The following POLE variants were observed in gnomAD, a reference collection of about 807,000 sequenced individuals.
POLE encodes the protein DNA polymerase epsilon catalytic subunit A.
A neutral mutation model predicts 279.2 loss-of-function variants in POLE; 188 were observed. The ratio of observed to expected loss-of-function variants is 0.67; its 90% CI spans 0.60 to 0.76. The LOEUF is 0.76. Ranked by LOEUF, POLE falls within the 30% of genes least tolerant of loss-of-function variation. The pLI is 0.00. For synonymous variants in POLE, 1,214 were observed against 1,172.5 expected (o/e 1.04, Z -0.72); for missense variants, 2,703 against 3,016.7 (o/e 0.90, Z 2.44).
In POLE at chr12:132,643,008, C is replaced by T; in HGVS notation, c.4552-12G>A. The T allele has an allele frequency of 6.3e-7, 1 of 1,578,680 alleles. No homozygotes were observed. The highest frequency in any genetic ancestry group is 8.6e-7 in the Non-Finnish European group (1 of 1,165,268). ...TGGTTGCTGCGCACCTAGACCAACGCAGGCCACGTCAGCCTCCCCCTGCGC... is the reference window on the plus strand; with the variant it reads ...TGGTTGCTGCGCACCTAGACCAACGTAGGCCACGTCAGCCTCCCCCTGCGC... On this transcript the variant is annotated splice_polypyrimidine_tract_variant and intron_variant, in intron 35 of 48. Coordinates refer to ENST00000320574, the MANE Select transcript of POLE (RefSeq NM_006231.4).
At position 132,636,440 on chromosome 12, in the gene POLE, GGAAAAAAAAAAAAA is replaced by G. The variant is rs1474480080; in HGVS notation, c.5679-430_5679-417del. ...TCCTCTGCACATTAGATCCATTTAA[GGAAAAAAAAAAAAA>G]AAAAAAAAAAAAAAGAACAGGCCAG... On this transcript the variant is annotated intron_variant, in intron 41 of 48. Transcript: ENST00000320574. 1.9e-3 allele frequency among the ~76,000 whole-genome samples: 136 copies of G among 70,366 alleles called. 1 individual carries two copies. Among genetic ancestry groups the G allele is most frequent in the South Asian group, 8.6e-3 (18 of 2,104 alleles). The allele number at this position is 70,366 out of a possible 152,430, so 46.2% of individuals were successfully genotyped here.
chr12:132,657,796 A>T lies in POLE; in HGVS notation c.3378+72T>A. 5.8e-6 allele frequency: 6 copies of T among 1,037,934 alleles called. 1 individual carries two copies. In the South Asian group the frequency reaches 7.9e-5, roughly 14 times the overall value. The allele number at this position is 1,037,934 out of a possible 1,614,324, so 64.3% of individuals were successfully genotyped here. A position where few individuals can be genotyped will look rare whatever the true frequency, so the allele number is the denominator to read the frequency against. ...GACGCCAGACAAAAAACATAATCCA[A>T]CTCAGACATATTCTGCTCTGTCTAG... On this transcript the variant is annotated intron_variant, in intron 27 of 48. Transcript: ENST00000320574.
Position 132,657,179 on chromosome 12 carries a change from T to A in POLE, c.3539A>T (p.Gln1180Leu). Reference protein sequence around the residue: ...KLLEKNDVYKQKKISELFTLE... With the variant: ...KLLEKNDVYKLKKISELFTLE... ...GGTGAAGAGCTCACTGATCTTCTTCTGCTTGTAGACATCATTCTTCTCCAG... is the reference window on the plus strand; with the variant it reads ...GGTGAAGAGCTCACTGATCTTCTTCAGCTTGTAGACATCATTCTTCTCCAG... The change falls in exon 29 of 49, where the codon CAG becomes CTG. Residue 1180 changes from glutamine (Q) to leucine (L), a missense_variant. Gln to Leu is a moderately radical substitution (Grantham distance 113). Around this residue, in one of 5 missense-constraint regions of POLE, gnomAD observed 1,551 missense variants for 1,686.1 expected, o/e 0.92. Coordinates refer to ENST00000320574, the MANE Select transcript of POLE (RefSeq NM_006231.4). The A allele has an allele frequency of 6.2e-7, 1 of 1,614,080 alleles. No homozygotes were observed. Among genetic ancestry groups the A allele is most frequent in the Non-Finnish European group, 8.5e-7 (1 of 1,180,020 alleles).
intron 12 of POLE, among the ~76,000 whole-genome samples, chr12:132,674,293 AC>A (rs1355720504): frequency 1.3e-5 from 2 of 151,474 alleles, no homozygotes; most frequent in Non-Finnish European, 2.9e-5. Flanking sequence ...TCCGGTCTCC[AC>A]CCCCCGCAGC....
chr12:132,649,060 T>C lies in POLE; in HGVS notation c.4018A>G (p.Ser1340Gly), dbSNP rs1248556901. Residue 1340 changes from serine (S) to glycine (G), a missense_variant, in exon 32 of 49, where the codon AGC (serine) becomes GGC (glycine). By Grantham distance (56) the Ser-to-Gly change is moderately conservative. Transcript: ENST00000320574. Reference protein sequence around the residue: ...PWQIVQISETSQAGLFRLWAL... With the variant: ...PWQIVQISETGQAGLFRLWAL... ...CACAGCCTGAACAGGCCGGCCTGGC[T>C]GGTCTCGCTGATCTGAAAGGCCACA... 1.9e-6 allele frequency: 3 copies of C among 1,611,996 alleles called. No individual in the cohort carries two copies. The highest frequency in any genetic ancestry group is 1.7e-6 in the Non-Finnish European group (2 of 1,179,652).
rs1401309769 is a variant in POLE, at chr12:132,638,078, T to G, written c.5614A>C (p.Ile1872Leu). 1 of 1,613,806 alleles carries G rather than the reference T, an allele frequency of 6.2e-7. No individual in the cohort carries two copies. Among genetic ancestry groups the G allele is most frequent in the Non-Finnish European group, 8.5e-7 (1 of 1,179,930 alleles). Residue 1872 changes from isoleucine to leucine, a missense_variant, in exon 41 of 49, where the codon ATC becomes CTC. By Grantham distance (5) the Ile-to-Leu change is conservative. This residue lies in a region of POLE where 1,551 missense variants were observed against 1,686.1 expected (regional missense o/e 0.92). Transcript: ENST00000320574. ...ACACGGCGCTTCTTTGTACAGAGGA[T>G]GATGCGGTTGAAGTTGGCGTAGATG... ...SVIYANFNRIILCTKKRRVED... is the reference protein window; with the variant it reads ...SVIYANFNRILLCTKKRRVED...
In POLE at chr12:132,624,501, C is replaced by T. The variant is rs2041789605; in HGVS notation, c.*196G>A. On this transcript the variant is annotated 3_prime_UTR_variant, in exon 49 of 49. Transcript: ENST00000320574. Reference sequence around the variant, plus strand: ...TGCTCTGGCGAGGCCAGGGCCACATCCTGCTCCCGCTCCCTCCTGTGACGT... The same window carrying T: ...TGCTCTGGCGAGGCCAGGGCCACATTCTGCTCCCGCTCCCTCCTGTGACGT... The T allele has an allele frequency of 6.6e-6, 4 of 602,710 alleles. No individual in the cohort carries two copies. Among genetic ancestry groups the T allele is most frequent in the South Asian group, 2.0e-5 (1 of 51,054 alleles). 37.3% of individuals were successfully genotyped at this position (602,710 alleles called of 1,614,324 possible).
At chr12:132,625,860 G>T in intron 46 of POLE, 90 bp from the exon 47 acceptor site, 2 of 1,520,996 alleles carry the variant, frequency 1.3e-6, no homozygotes, top group Non-Finnish European at 1.8e-6. Flanking sequence ...GGGGCTGTGA[G>T]AAGCGCCTGG....
At position 132,660,762 on chromosome 12, in the gene POLE, C is replaced by G. The variant is rs117807098; in HGVS notation, c.3060+207G>C. The G allele has an allele frequency of 7.4e-6, 3 of 407,232 alleles. No individual in the cohort carries two copies. The South Asian group carries it at 2.4e-4, about 32-fold the overall frequency. The allele number at this position is 407,232 out of a possible 1,614,324, so 25.2% of individuals were successfully genotyped here. A position where few individuals can be genotyped will look rare whatever the true frequency, so the allele number is the denominator to read the frequency against. On this transcript the variant is annotated intron_variant, in intron 25 of 48. Coordinates refer to ENST00000320574, the MANE Select transcript of POLE (RefSeq NM_006231.4). ...AGGCTTATCACGCTATTTAGAAAAA[C>G]GTTTCCCTCAGAGTTGTGTCCCTGG...
At chr12:132,654,008 G>A (rs1260212546) in intron 29 of POLE, among the ~76,000 whole-genome samples, 2 of 152,184 alleles carry the variant, frequency 1.3e-5, no homozygotes, top group Non-Finnish European at 2.9e-5. Flanking sequence ...AACAGTGCTT[G>A]CTATTCCCAG....
chr12:132,626,203 G>A lies in POLE; in HGVS notation c.6445C>T (p.Arg2149Cys), dbSNP rs771490182. Residue 2149 changes from arginine to cysteine, a missense_variant, in exon 46 of 49, where the codon CGC becomes TGC. Coordinates refer to ENST00000320574, the MANE Select transcript of POLE (RefSeq NM_006231.4). Reference protein sequence around the residue: ...SEEAQFRDPCRSYVLPEVICR... With the variant: ...SEEAQFRDPCCSYVLPEVICR... ...ATGACCTCAGGAAGCACGTAGGAGC[G>A]GCAGGGGTCTCGGAACTGGGCCTCC... 6.6e-5 allele frequency: 106 copies of A among 1,613,790 alleles called. No individual in the cohort carries two copies. The highest frequency in any genetic ancestry group is 4.3e-4 in the South Asian group (39 of 91,064).
At position 132,672,762 on chromosome 12, in the gene POLE, G is replaced by A. The variant is rs770117116; in HGVS notation, c.1551C>T (p.Pro517=). 1.2e-6 allele frequency: 2 copies of A among 1,614,160 alleles called. No homozygotes were observed. Among genetic ancestry groups the A allele is most frequent in the East Asian group, 2.2e-5 (1 of 44,892 alleles). Reference sequence around the variant, plus strand: ...TATTGAACTCCTGCTCTTGCTTGTTGGGGAAGATGATGTTGGCGTGGAAGG... The same window carrying A: ...TATTGAACTCCTGCTCTTGCTTGTTAGGGAAGATGATGTTGGCGTGGAAGG... ...VQAFHANIIF[P]NKQEQEFNKL... Residue 517 remains proline, a synonymous_variant, in exon 15 of 49, where the codon CCC becomes CCT. Coordinates refer to ENST00000320574, the MANE Select transcript of POLE (RefSeq NM_006231.4).
chr12:132,686,632 G>A (rs1016820795), intron 1 of POLE, among the ~76,000 whole-genome samples: 1 of 152,076 alleles, frequency 6.6e-6, no homozygotes, highest in African/African-American at 2.4e-5. Flanking sequence ...CTACTCGGGA[G>A]GCTGAGGCAG....
Position 132,625,781 on chromosome 12 carries a change from C to G in POLE, c.6532-11G>C, listed in dbSNP as rs372829291. The G allele has an allele frequency of 5.8e-5, 94 of 1,607,758 alleles. No homozygotes were observed. The highest frequency in any genetic ancestry group is 7.5e-5 in the Non-Finnish European group (88 of 1,179,462). Reference sequence around the variant, plus strand: ...CAGGACCGCCCCATCCTAGGCAGAGCAAGAGTGCGAGAGGTCACCAGCCCA... The same window carrying G: ...CAGGACCGCCCCATCCTAGGCAGAGGAAGAGTGCGAGAGGTCACCAGCCCA... On this transcript the variant is annotated splice_polypyrimidine_tract_variant and intron_variant, in intron 46 of 48. Transcript: ENST00000320574.
intron 43 of POLE, 198 bp downstream of exon 43, chr12:132,633,988 C>G: frequency 1.9e-6 from 1 of 521,914 alleles, no homozygotes; most frequent in South Asian, 3.1e-5. Flanking sequence ...ACAGTCACCC[C>G]TCTCCGGGCC....
chr12:132,657,547 T>C lies in POLE; in HGVS notation c.3379-118A>G, dbSNP rs2042573959. The C allele has an allele frequency of 5.7e-6, 5 of 874,376 alleles. No homozygotes were observed. In the Admixed American group the frequency reaches 1.1e-4, roughly 20 times the overall value. 54.2% of individuals were successfully genotyped at this position (874,376 alleles called of 1,614,324 possible). A position where few individuals can be genotyped will look rare whatever the true frequency, so the allele number is the denominator to read the frequency against. On this transcript the variant is annotated intron_variant, in intron 27 of 48. Transcript: ENST00000320574. ...TCTTATTTAATCCTCTCAGAAACTC[T>C]ATGATGAAAGGTGCCCATTGCACAA...
At position 132,643,842 on chromosome 12, in the gene POLE, T is replaced by A. The variant is rs759497382; in HGVS notation, c.4285A>T (p.Thr1429Ser). The change falls in exon 33 of 49, where the codon ACT becomes TCT. Residue 1429 changes from threonine to serine, a missense_variant. This residue lies in a region of POLE where 1,551 missense variants were observed against 1,686.1 expected (regional missense o/e 0.92). Coordinates refer to ENST00000320574, the MANE Select transcript of POLE (RefSeq NM_006231.4). Reference sequence around the variant, plus strand: ...GAGGGTGGCTGGGGAGTCACCTGAGTCTCATATACGCCCTCGATGTCTGGC... The same window carrying A: ...GAGGGTGGCTGGGGAGTCACCTGAGACTCATATACGCCCTCGATGTCTGGC... ...SAPDIEGVYE[T>S]QVPLLFRALV... The A allele has an allele frequency of 6.2e-6, 10 of 1,613,438 alleles. No individual in the cohort carries two copies. The highest frequency in any genetic ancestry group is 3.4e-6 in the Non-Finnish European group (4 of 1,179,564).
chr12:132,633,008 T>C, intron 43 of POLE: 1 of 545,728 alleles, frequency 1.8e-6, no homozygotes, highest in Non-Finnish European at 3.2e-6. Context: ...CTGAGTTCAT[T>C]GTCAGAGAGA....
At chr12:132,685,851 A>G (rs2043247503) in intron 1 of POLE, among the ~76,000 whole-genome samples, 1 of 151,964 alleles carries the variant, frequency 6.6e-6, no homozygotes, top group African/African-American at 2.4e-5. Flanking sequence ...GTCTGTAAAA[A>G]GCTTCACGTT....
Sources: gnomAD v4.1 joint callset for allele counts (sites outside exome capture counted in the v4.1 genomes callset) on GRCh38, gnomAD v4.1.1 for gene constraint, gnomAD v4.1.1 regional missense constraint, MANE v1.5 for transcripts, NCBI Gene and HGNC (gene_info 2026-07-23, HGNC 2026-07-21) for gene names.